Variants in NPPC observed in about 807,000 individuals in gnomAD.
NPPC encodes the protein C-type natriuretic peptide.
NPPC carries 4 observed loss-of-function variants against 10.2 expected under a neutral mutation model. The ratio of observed to expected loss-of-function variants is 0.39; its 90% CI spans 0.19 to 0.90. The LOEUF (loss-of-function observed/expected upper bound fraction) is 0.90. NPPC is among the 40% of genes least tolerant of loss of function. NPPC has a pLI of 0.37. For missense variants in NPPC, 182 were observed against 173.8 expected, an observed-to-expected ratio of 1.05 and a Z score of -0.26; for synonymous variants, 83 against 87.3, an observed-to-expected ratio of 0.95 and a Z score of 0.27.
At chr2:231,926,026 G>T (rs1692002658) in intron 1 of NPPC, 134 bp downstream of exon 1, 1 of 739,012 alleles carries the variant, frequency 1.4e-6, no homozygotes, top group Non-Finnish European at 1.9e-6. Flanking sequence ...AGGGCTCCCC[G>T]GCTCTCGCCC....
At position 231,925,637 on chromosome 2, in the gene NPPC, G is replaced by A. The variant is rs1274724785; in HGVS notation, c.169C>T (p.Pro57Ser). 1 of 1,607,128 alleles carries A rather than the reference G, an allele frequency of 6.2e-7. No homozygotes were observed. The highest frequency in any genetic ancestry group is 1.7e-5 in the Admixed American group (1 of 59,560). ...TTGAGATTGGCGCCCCCGCCCCCGG[G>A]AGCCTTGTCGCCCTTCTTCTGACCG... ...GGGQKKGDKA[P>S]GGGGANLKGD... Residue 57 changes from proline to serine, a missense_variant, in exon 2 of 3, where the codon CCC becomes TCC. By Grantham distance (74) the Pro-to-Ser change is moderately conservative (BLOSUM62 -1). Coordinates refer to ENST00000409852, the MANE Select transcript of NPPC (RefSeq NM_024409.4).
intron 2 of NPPC, among the ~76,000 whole-genome samples, chr2:231,924,412 C>G (rs1004996142): frequency 1.3e-5 from 2 of 152,238 alleles, no homozygotes; most frequent in Admixed American, 1.3e-4. Flanking sequence ...GCAGCTTGCC[C>G]GTAGCCTGGG....
chr2:231,925,921 G>A (rs1692001070), intron 1 of NPPC, among the ~76,000 whole-genome samples: 1 of 152,186 alleles, frequency 6.6e-6, no homozygotes, highest in Non-Finnish European at 1.5e-5. Context: ...CCCTCCCTTT[G>A]CTGCTCGCCG....
In NPPC at chr2:231,923,136, G is replaced by A. The variant is rs541137308; in HGVS notation, c.*21-821C>T. On this transcript the variant is annotated intron_variant, in intron 2 of 2. Coordinates refer to ENST00000409852, the MANE Select transcript of NPPC (RefSeq NM_024409.4). ...GCGTTCAGTGCCCTCCCAAAGGACA[G>A]CATGCACAGAGGGGACCTGGGCCAG... Among the ~76,000 whole-genome samples, 6 of 152,356 alleles carry A rather than the reference G, an allele frequency of 3.9e-5. No individual in the cohort carries two copies. The East Asian group carries it at 1.2e-3, about 29-fold the overall frequency.
At chr2:231,923,083 C>T (rs529076476) in intron 2 of NPPC, among the ~76,000 whole-genome samples, 9 of 152,260 alleles carry the variant, frequency 5.9e-5, no homozygotes, top group South Asian at 2.1e-4. Context: ...GTGGGTGCCC[C>T]GGGGCCCAAG....
rs1305528473 is a variant in NPPC, at chr2:231,925,663, C to T, written c.143G>A (p.Gly48Asp). The part of the protein sequence containing the change: ...EELAEPQAAG[G>D]GQKKGDKAPG... ...AGCCTTGTCGCCCTTCTTCTGACCG[C>T]CGCCCGCAGCCTGCGGCTCGGCCAG... The change falls in exon 2 of 3, where the codon GGC becomes GAC. Residue 48 changes from glycine to aspartate, a missense_variant. Coordinates refer to ENST00000409852, the MANE Select transcript of NPPC (RefSeq NM_024409.4). 6.2e-7 allele frequency: 1 copy of T among 1,600,592 alleles called. No individual in the cohort carries two copies. Among genetic ancestry groups the T allele is most frequent in the Non-Finnish European group, 8.5e-7 (1 of 1,175,896 alleles).
chr2:231,922,979 G>T (rs1278135349), intron 2 of NPPC, among the ~76,000 whole-genome samples: 1 of 152,230 alleles, frequency 6.6e-6, no homozygotes, highest in East Asian at 1.9e-4. Flanking sequence ...GTCCCCTTCA[G>T]GAGCAGAGGA....
At chr2:231,924,079 C>T (rs1244107296) in intron 2 of NPPC, among the ~76,000 whole-genome samples, 1 of 152,170 alleles carries the variant, frequency 6.6e-6, no homozygotes, top group Non-Finnish European at 1.5e-5. Context: ...GGGAGAGGCC[C>T]ACAGCCGAGT....
chr2:231,926,339 G>C lies in NPPC; in HGVS notation c.-90C>G. On this transcript the variant is annotated 5_prime_UTR_variant, in exon 1 of 3. Coordinates refer to ENST00000409852, the MANE Select transcript of NPPC (RefSeq NM_024409.4). ...CAGCAGGGGGATGCGGAGCAGGCTG[G>C]CTGGGCTGCAGGGCGAGCAGGGTCC... 1.1e-6 allele frequency: 1 copy of C among 883,714 alleles called. No individual in the cohort carries two copies. Among genetic ancestry groups the C allele is most frequent in the Non-Finnish European group, 1.5e-6 (1 of 666,550 alleles). 54.7% of individuals were successfully genotyped at this position (883,714 alleles called of 1,614,324 possible). A position where few individuals can be genotyped will look rare whatever the true frequency, so the allele number is the denominator to read the frequency against.
At position 231,921,923 on chromosome 2, in the gene NPPC, T is replaced by A. The variant is rs1691934952; in HGVS notation, c.*413A>T. Reference sequence around the variant, plus strand: ...TTTAGTTACATAAATAAAATTTTTATAAATATCTCTTTATAAACAATATAA... The same window carrying A: ...TTTAGTTACATAAATAAAATTTTTAAAAATATCTCTTTATAAACAATATAA... On this transcript the variant is annotated 3_prime_UTR_variant, in exon 3 of 3. Transcript: ENST00000409852. 6.6e-6 allele frequency: 1 copy of A among 151,818 alleles called. No homozygotes were observed. Among genetic ancestry groups the A allele is most frequent in the Non-Finnish European group, 1.5e-5 (1 of 67,986 alleles). The allele number at this position is 151,818 out of a possible 1,614,324, so 9.4% of individuals were successfully genotyped here. A position where few individuals can be genotyped will look rare whatever the true frequency, so the allele number is the denominator to read the frequency against.
At chr2:231,926,070 C>T (rs897937298) in intron 1 of NPPC, 90 bp downstream of exon 1, 1 of 1,030,374 alleles carries the variant, frequency 9.7e-7, no homozygotes, top group Admixed American at 4.2e-5. Flanking sequence ...CGCCTGCCTT[C>T]CCTCTCTCCT....
rs1452164298 is a variant in NPPC, at chr2:231,921,858, CTAGT to C, written c.*474_*477del. ...TTTTTTTTTTTTACATTTTTTTTAA[CTAGT>C]TAGGACAAAAACATTACAATGATTG... On this transcript the variant is annotated 3_prime_UTR_variant, in exon 3 of 3. Coordinates refer to ENST00000409852, the MANE Select transcript of NPPC (RefSeq NM_024409.4). 1 of 149,960 alleles carries C rather than the reference CTAGT, an allele frequency of 6.7e-6. No homozygotes were observed. The highest frequency in any genetic ancestry group is 2.5e-5 in the African/African-American group (1 of 40,678). 9.3% of individuals were successfully genotyped at this position (149,960 alleles called of 1,614,324 possible).
chr2:231,925,337 G>A, intron 2 of NPPC, 68 bp downstream of exon 2: 1 of 1,343,506 alleles, frequency 7.4e-7, no homozygotes, highest in Non-Finnish European at 9.6e-7. Context: ...GCGCGCCTCC[G>A]AAGGCCGGCT....
chr2:231,925,776 T>C lies in NPPC; in HGVS notation c.91-61A>G. ...GCGGCTGCAGCACGGGGGACTCTGA[T>C]GCTCCAGCCCCACGCGCCCGCCGGC... On this transcript the variant is annotated intron_variant, in intron 1 of 2. Transcript: ENST00000409852. The C allele has an allele frequency of 2.1e-6, 3 of 1,436,232 alleles. No homozygotes were observed. In the South Asian group the frequency reaches 4.4e-5, roughly 21 times the overall value. The allele number at this position is 1,436,232 out of a possible 1,614,324, so 89.0% of individuals were successfully genotyped here.
chr2:231,921,854 T>A lies in NPPC; in HGVS notation c.*482A>T, dbSNP rs1381004722. 3 of 152,110 alleles carry A rather than the reference T, an allele frequency of 2.0e-5. No individual in the cohort carries two copies. Among genetic ancestry groups the A allele is most frequent in the African/African-American group, 7.2e-5 (3 of 41,450 alleles). 9.4% of individuals were successfully genotyped at this position (152,110 alleles called of 1,614,324 possible). On this transcript the variant is annotated 3_prime_UTR_variant, in exon 3 of 3. Transcript: ENST00000409852. ...TGACTTTTTTTTTTTTACATTTTTT[T>A]TAACTAGTTAGGACAAAAACATTAC...
intron 1 of NPPC, among the ~76,000 whole-genome samples, 162 bp from the exon 2 acceptor site, chr2:231,925,877 G>A (rs1200036081): frequency 6.6e-6 from 1 of 152,200 alleles, no homozygotes; most frequent in African/African-American, 2.4e-5. Context: ...CCTGCCACGC[G>A]GCCGCCTTCG....
chr2:231,925,590 G>C lies in NPPC; in HGVS notation c.216C>G (p.Leu72=), dbSNP rs1212704306. ...ACTTGGTGTCCACGCGCAGGTCCCG[G>C]AGCAGTCGCGACCGGTCGCCCTTGA... The part of the protein sequence containing the change: ...ANLKGDRSRL[L]RDLRVDTKSR... Residue 72 remains leucine, a synonymous_variant, in exon 2 of 3, where the codon CTC becomes CTG. Transcript: ENST00000409852. The C allele has an allele frequency of 6.2e-7, 1 of 1,611,958 alleles. No individual in the cohort carries two copies.
In NPPC at chr2:231,924,971, G is replaced by T. The variant is rs1471547917; in HGVS notation, c.*20+434C>A. Among the ~76,000 whole-genome samples, 3 of 152,130 alleles carry T rather than the reference G, an allele frequency of 2.0e-5. No individual in the cohort carries two copies. The East Asian group carries it at 5.8e-4, about 29-fold the overall frequency. On this transcript the variant is annotated intron_variant, in intron 2 of 2. Coordinates refer to ENST00000409852, the MANE Select transcript of NPPC (RefSeq NM_024409.4). ...AGGGCGCTCTGACAGTGCCAGCAGAGGGCTACTCTCACTACAGGGGGCATG... is the reference window on the plus strand; with the variant it reads ...AGGGCGCTCTGACAGTGCCAGCAGATGGCTACTCTCACTACAGGGGGCATG...
intron 2 of NPPC, among the ~76,000 whole-genome samples, chr2:231,924,810 C>G (rs1559475711): frequency 6.6e-6 from 1 of 152,144 alleles, no homozygotes; most frequent in African/African-American, 2.4e-5. Flanking sequence ...CTTTCCTATT[C>G]CCTGAAATAG....
Sources: allele counts gnomAD v4.1 joint callset (sites outside exome capture counted in the v4.1 genomes callset), GRCh38; gene constraint gnomAD v4.1.1; transcripts MANE v1.5; gene names NCBI Gene and HGNC (gene_info 2026-07-23, HGNC 2026-07-21).